Variants in CFAP210 observed in about 807,000 individuals in gnomAD.
CFAP210 encodes cilia and flagella associated protein 210, also known as cilia- and flagella- associated protein 210.
chr2:169,648,485 T>A, the CFAP210 span, among the ~76,000 whole-genome samples: 324 of 152,230 alleles, frequency 2.1e-3, no homozygotes, highest in African/African-American at 7.4e-3. Context: ...AAATCAATTT[T>A]AAAAAACTCA....
the CFAP210 span, among the ~76,000 whole-genome samples, chr2:169,659,718 T>A: frequency 6.6e-6 from 1 of 152,174 alleles, no homozygotes; most frequent in Admixed American, 6.5e-5. Context: ...CCTTCTCATA[T>A]TTCAAAACCA....
At chr2:169,670,021 T>C in the CFAP210 span, among the ~76,000 whole-genome samples, 1 of 152,166 alleles carries the variant, frequency 6.6e-6, no homozygotes, top group Non-Finnish European at 1.5e-5. Context: ...CTAAATAATC[T>C]TTATCTAGGA....
At chr2:169,693,212 C>T in the CFAP210 span, among the ~76,000 whole-genome samples, 10 of 152,346 alleles carry the variant, frequency 6.6e-5, no homozygotes, top group African/African-American at 2.4e-4. Flanking sequence ...TAGCCTTCCC[C>T]TAAAAATGGA....
the CFAP210 span, among the ~76,000 whole-genome samples, chr2:169,652,840 C>T: frequency 7.2e-6 from 1 of 139,628 alleles, no homozygotes; most frequent in African/African-American, 2.6e-5. Context: ...CTAAAAATTA[C>T]AAAAAAAAAA....
the CFAP210 span, among the ~76,000 whole-genome samples, chr2:169,650,688 T>C: frequency 6.6e-6 from 1 of 151,992 alleles, no homozygotes; most frequent in Non-Finnish European, 1.5e-5. Flanking sequence ...TTTTTAACTA[T>C]AAAGTAACAT....
At chr2:169,679,680 CAAAA>C in the CFAP210 span, among the ~76,000 whole-genome samples, 1 of 57,492 alleles carries the variant, frequency 1.7e-5, no homozygotes, top group Non-Finnish European at 3.1e-5. Flanking sequence ...GACTCCATCT[CAAAA>C]AAAAAAAAAA....
the CFAP210 span, among the ~76,000 whole-genome samples, chr2:169,657,501 T>C: frequency 6.6e-6 from 1 of 152,176 alleles, no homozygotes; most frequent in Non-Finnish European, 1.5e-5. Flanking sequence ...ACAGATCACT[T>C]GAGGCCAAGA....
chr2:169,685,182 C>T, the CFAP210 span, among the ~76,000 whole-genome samples: 2 of 152,144 alleles, frequency 1.3e-5, no homozygotes, highest in African/African-American at 2.4e-5. Flanking sequence ...TGAGAAAGTA[C>T]CAAATTGTTT....
the CFAP210 span, chr2:169,680,943 A>G: frequency 3.7e-6 from 5 of 1,339,966 alleles, no homozygotes; most frequent in East Asian, 1.2e-4. Flanking sequence ...AAAGAAGCAT[A>G]AGAGTACTAA....
chr2:169,662,412 C>G, the CFAP210 span: 2 of 1,595,482 alleles, frequency 1.3e-6, no homozygotes, highest in East Asian at 4.5e-5. Context: ...TCCTTCTTTC[C>G]TCTTCTTCCT....
chr2:169,692,782 G>A, the CFAP210 span, among the ~76,000 whole-genome samples: 1 of 152,180 alleles, frequency 6.6e-6, no homozygotes. Flanking sequence ...TATCAAACAT[G>A]TCGAATAATA....
chr2:169,652,917 G>A, the CFAP210 span, among the ~76,000 whole-genome samples: 627 of 140,072 alleles, frequency 4.5e-3, 9 homozygotes, highest in African/African-American at 0.016. Flanking sequence ...GGAGAATGGC[G>A]TGAACCCGGG....
the CFAP210 span, among the ~76,000 whole-genome samples, chr2:169,692,012 C>T: frequency 2.0e-5 from 3 of 152,234 alleles, no homozygotes; most frequent in Non-Finnish European, 4.4e-5. Flanking sequence ...CAATTTACAA[C>T]TCCATCTTAG....
chr2:169,660,520 T>C, the CFAP210 span, among the ~76,000 whole-genome samples: 1 of 151,040 alleles, frequency 6.6e-6, no homozygotes, highest in Non-Finnish European at 1.5e-5. Flanking sequence ...GGTTTGTGTC[T>C]AGGGATTTTG....
chr2:169,683,622 C>G, the CFAP210 span, among the ~76,000 whole-genome samples: 2 of 152,174 alleles, frequency 1.3e-5, no homozygotes, highest in African/African-American at 4.8e-5. Flanking sequence ...ATGGCCTATT[C>G]TGGCAGGAGC....
the CFAP210 span, among the ~76,000 whole-genome samples, chr2:169,667,362 C>A: frequency 6.6e-6 from 1 of 152,118 alleles, no homozygotes; most frequent in Non-Finnish European, 1.5e-5. Context: ...TGGTCTCGAA[C>A]TCCTGACCTC....
chr2:169,653,184 TAGTC>T, the CFAP210 span, among the ~76,000 whole-genome samples: 10 of 149,796 alleles, frequency 6.7e-5, no homozygotes, highest in Non-Finnish European at 1.2e-4. Context: ...TTAAATAAAG[TAGTC>T]AGAGAAAGCC....
the CFAP210 span, chr2:169,674,600 G>A: frequency 6.2e-7 from 1 of 1,604,894 alleles, no homozygotes; most frequent in South Asian, 1.1e-5. Flanking sequence ...TTTGGCAAGA[G>A]CCACCCTTTC....
chr2:169,674,601 C>T, the CFAP210 span: 1 of 1,605,014 alleles, frequency 6.2e-7, no homozygotes, highest in Non-Finnish European at 8.5e-7. Context: ...TTGGCAAGAG[C>T]CACCCTTTCT....
Sources: allele counts gnomAD v4.1 joint callset (sites outside exome capture counted in the v4.1 genomes callset), GRCh38; gene constraint gnomAD v4.1.1; transcripts MANE v1.5; gene names NCBI Gene and HGNC (gene_info 2026-07-23, HGNC 2026-07-21).